The following GCC2 variants were observed in gnomAD, a reference collection of about 807,000 sequenced individuals.
The protein encoded by GCC2 is GRIP and coiled-coil domain containing 2.
Under a neutral mutation model 210.6 loss-of-function variants are expected in GCC2, and 120 were observed. That is an observed-to-expected ratio of 0.57 (90% CI 0.49 to 0.66). The LOEUF (loss-of-function observed/expected upper bound fraction) is 0.66, where lower values mean the gene tolerates loss of function less well. Among genes scored for constraint, GCC2 ranks in the 30% least tolerant of loss-of-function variants. The pLI is 0.00. For synonymous variants in GCC2, 703 were observed against 652.7 expected (o/e 1.08, Z -1.17); for missense variants, 1,868 against 1,871.9 (o/e 1.00, Z 0.04).
rs1158396168 is a variant in GCC2, at chr2:108,467,666, A to G, written c.217-1314A>G. Among the ~76,000 whole-genome samples the G allele has an allele frequency of 3.3e-5, 5 of 152,280 alleles. No individual in the cohort carries two copies. The East Asian group carries it at 7.7e-4, about 24-fold the overall frequency. On this transcript the variant is annotated intron_variant, in intron 4 of 22. Coordinates refer to ENST00000309863, the MANE Select transcript of GCC2 (RefSeq NM_181453.4). Reference sequence around the variant, plus strand: ...AATACAATGTGGATTAGCAGTAGTGATAGTGTACTAATGTTTTATTTAGGA... The same window carrying G: ...AATACAATGTGGATTAGCAGTAGTGGTAGTGTACTAATGTTTTATTTAGGA...
In GCC2 at chr2:108,475,567, G is replaced by A. The variant is rs755719987; in HGVS notation, c.2893G>A (p.Glu965Lys). Residue 965 changes from glutamate (E) to lysine (K), a missense_variant, in exon 8 of 23, where the codon GAG (glutamate) becomes AAG (lysine). Glu to Lys is a moderately conservative substitution (Grantham distance 56, BLOSUM62 1). Around this residue, in one of 3 missense-constraint regions of GCC2, gnomAD observed 1,847 missense variants for 1,765.2 expected, o/e 1.05. Coordinates refer to ENST00000309863, the MANE Select transcript of GCC2 (RefSeq NM_181453.4). ...GGAAAAAGAATGCAAAGAAAAGGAG[G>A]AGAAAATAAATAAGATAAAATTAGT... Reference protein sequence around the residue: ...NLEKECKEKEEKINKIKLVAV... With the variant: ...NLEKECKEKEKKINKIKLVAV... The A allele has an allele frequency of 2.0e-6, 3 of 1,512,916 alleles. No homozygotes were observed. The highest frequency in any genetic ancestry group is 2.3e-5 in the East Asian group (1 of 43,418). The allele number at this position is 1,512,916 out of a possible 1,614,324, so 93.7% of individuals were successfully genotyped here. A position where few individuals can be genotyped will look rare whatever the true frequency, so the allele number is the denominator to read the frequency against.
intron 4 of GCC2, among the ~76,000 whole-genome samples, chr2:108,454,805 T>C (rs1020216286): frequency 6.6e-6 from 1 of 152,178 alleles, no homozygotes; most frequent in Non-Finnish European, 1.5e-5. Context: ...TAAGGTAATA[T>C]ATCTACTGCA....
intron 22 of GCC2, among the ~76,000 whole-genome samples, chr2:108,505,271 T>C (rs935764309): frequency 1.1e-4 from 16 of 152,256 alleles, no homozygotes; most frequent in African/African-American, 3.9e-4. Flanking sequence ...CTCTTTATTC[T>C]TGGGAACAAG....
chr2:108,463,477 G>A (rs1680712045), intron 4 of GCC2, among the ~76,000 whole-genome samples: 1 of 152,214 alleles, frequency 6.6e-6, no homozygotes, highest in South Asian at 2.1e-4. Flanking sequence ...AACAGCATCA[G>A]TGGTGTCTGT....
chr2:108,482,009 A>G (rs1477108896), intron 10 of GCC2, among the ~76,000 whole-genome samples, 193 bp downstream of exon 10: 1 of 152,164 alleles, frequency 6.6e-6, no homozygotes, highest in Non-Finnish European at 1.5e-5. Flanking sequence ...TTCTAATCTC[A>G]GTTCCCCTAG....
At position 108,482,368 on chromosome 2, in the gene GCC2, C is replaced by A; in HGVS notation, c.3262C>A (p.Gln1088Lys). The A allele has an allele frequency of 6.3e-7, 1 of 1,579,034 alleles. No homozygotes were observed. Among genetic ancestry groups the A allele is most frequent in the Non-Finnish European group, 8.7e-7 (1 of 1,148,590 alleles). ...GTCTAATGCCAAATTATTAGAAGTA[C>A]AGATTTTAGAAGTCCAGAGAGCCAA... The part of the protein sequence containing the change: ...LQSNAKLLEV[Q>K]ILEVQRAKAM... Residue 1088 changes from glutamine (Q) to lysine (K), a missense_variant, in exon 11 of 23, where the codon CAG (glutamine) becomes AAG (lysine). Physicochemically the swap from Gln to Lys is moderately conservative, Grantham distance 53 (BLOSUM62 1). Transcript: ENST00000309863.
intron 17 of GCC2, among the ~76,000 whole-genome samples, chr2:108,489,617 T>G (rs1200916020): frequency 1.3e-5 from 2 of 152,188 alleles, no homozygotes; most frequent in Admixed American, 6.5e-5. Context: ...ATTCTAAATT[T>G]TAGAGAAATT....
chr2:108,486,882 T>C (rs1227517187), intron 16 of GCC2, among the ~76,000 whole-genome samples: 25 of 152,278 alleles, frequency 1.6e-4, no homozygotes, highest in Admixed American at 1.6e-3. Context: ...CATTTCAACC[T>C]TGTTTTGCAA....
Position 108,483,244 on chromosome 2 carries a change from T to G in GCC2, c.3450+78T>G, listed in dbSNP as rs1681965556. 13 of 754,830 alleles carry G rather than the reference T, an allele frequency of 1.7e-5. No individual in the cohort carries two copies. In the South Asian group the frequency reaches 2.0e-4, roughly 12 times the overall value. The allele number at this position is 754,830 out of a possible 1,614,324, so 46.8% of individuals were successfully genotyped here. ...TTGTTGTTCTGTTTGTTCTGTTCTCTCTGCAATCTCACTCTGTGGCCCAGG... is the reference window on the plus strand; with the variant it reads ...TTGTTGTTCTGTTTGTTCTGTTCTCGCTGCAATCTCACTCTGTGGCCCAGG... On this transcript the variant is annotated intron_variant, in intron 12 of 22. Transcript: ENST00000309863.
chr2:108,477,764 G>A (rs2254411), intron 9 of GCC2, among the ~76,000 whole-genome samples: 8,975 of 152,132 alleles, frequency 0.059, 287 homozygotes, highest in African/African-American at 0.08. Flanking sequence ...ACTAAATTTC[G>A]GCCAGGTGCA....
At chr2:108,451,223 A>T in intron 3 of GCC2, 111 bp downstream of exon 3, 1 of 656,108 alleles carries the variant, frequency 1.5e-6, no homozygotes, top group Non-Finnish European at 2.7e-6. Context: ...CAGTGATTCC[A>T]AGTACACCTT....
At chr2:108,504,041 G>A (rs1291779760) in intron 22 of GCC2, among the ~76,000 whole-genome samples, 1 of 152,124 alleles carries the variant, frequency 6.6e-6, no homozygotes, top group South Asian at 2.1e-4. Flanking sequence ...TAAGGAGTTC[G>A]AGGCTGCAGT....
chr2:108,475,968 G>T, intron 9 of GCC2, 118 bp downstream of exon 9: 11 of 433,348 alleles, frequency 2.5e-5, no homozygotes, highest in East Asian at 1.6e-4. Flanking sequence ...GTATTTTTTA[G>T]TAAATCTTTA....
At position 108,508,788 on chromosome 2, in the gene GCC2, T is replaced by G. The variant is rs1342252431; in HGVS notation, c.*1158T>G. 2.0e-5 allele frequency: 3 copies of G among 152,658 alleles called. No individual in the cohort carries two copies. The highest frequency in any genetic ancestry group is 7.2e-5 in the African/African-American group (3 of 41,462). 9.5% of individuals were successfully genotyped at this position (152,658 alleles called of 1,614,324 possible). A position where few individuals can be genotyped will look rare whatever the true frequency, so the allele number is the denominator to read the frequency against. ...CTCTGCATATGTTTTAATGACTAGA[T>G]CCAAACTGTGTTGTTCTTAAATCAA... On this transcript the variant is annotated 3_prime_UTR_variant, in exon 23 of 23. Coordinates refer to ENST00000309863, the MANE Select transcript of GCC2 (RefSeq NM_181453.4).
At chr2:108,493,177 C>T (rs1573226376) in intron 19 of GCC2, 1 of 256,924 alleles carries the variant, frequency 3.9e-6, no homozygotes, top group African/African-American at 2.2e-5. Flanking sequence ...GCAAGCTCCA[C>T]CTCCCGAGTT....
Position 108,504,471 on chromosome 2 carries a change from A to G in GCC2, c.4985-3089A>G, listed in dbSNP as rs189777240. On this transcript the variant is annotated intron_variant, in intron 22 of 22. Coordinates refer to ENST00000309863, the MANE Select transcript of GCC2 (RefSeq NM_181453.4). ...GAGCTGCTCAGAGTAGCGTGTTACA[A>G]CTCTGCGTTATAAGGTAAAGTGACT... Among the ~76,000 whole-genome samples the G allele has an allele frequency of 1.1e-4, 17 of 152,240 alleles. No homozygotes were observed. The East Asian group carries it at 3.3e-3, about 29-fold the overall frequency.
chr2:108,502,847 C>T (rs182819879), intron 22 of GCC2, among the ~76,000 whole-genome samples: 24 of 151,242 alleles, frequency 1.6e-4, no homozygotes, highest in South Asian at 4.2e-4. Context: ...CGCTTGAACC[C>T]GGGAGGCAGA....
chr2:108,454,151 T>C (rs1680114327), intron 4 of GCC2, among the ~76,000 whole-genome samples: 1 of 152,102 alleles, frequency 6.6e-6, no homozygotes, highest in Non-Finnish European at 1.5e-5. Context: ...CCACCATGCC[T>C]GGCTAATTTT....
intron 12 of GCC2, 72 bp from the exon 13 acceptor site, chr2:108,484,077 A>G: frequency 1.1e-6 from 1 of 943,126 alleles, no homozygotes. Context: ...TAGCAATTTT[A>G]CAAATGAAAA....
Sources: gnomAD v4.1 joint callset for allele counts (sites outside exome capture counted in the v4.1 genomes callset) on GRCh38, gnomAD v4.1.1 for gene constraint, gnomAD v4.1.1 regional missense constraint, MANE v1.5 for transcripts, NCBI Gene and HGNC (gene_info 2026-07-23, HGNC 2026-07-21) for gene names.